BABAM2: variants seen among roughly 807,000 people sequenced by gnomAD.
The protein encoded by BABAM2 is BRISC and BRCA1 A complex member 2.
A neutral mutation model predicts 54.7 loss-of-function variants in BABAM2; 31 were observed. The observed-to-expected ratio is 0.57, with a 90% CI of 0.43 to 0.77. The LOEUF (loss-of-function observed/expected upper bound fraction) is 0.77, where lower values mean the gene tolerates loss of function less well. Ranked by LOEUF, BABAM2 falls within the 30% of genes least tolerant of loss-of-function variation. The probability of loss-of-function intolerance (pLI) is 0.00; values close to 1 mark genes in which losing one functional copy is unlikely to be tolerated. For missense variants in BABAM2, 364 were observed against 455.8 expected (o/e 0.80, Z 1.83); for synonymous variants, 167 against 162.9 (o/e 1.03, Z -0.19).
rs994246564 is a variant in BABAM2 at position 28,025,089 on chromosome 2, T to C, written c.301-137T>C. 4.4e-6 allele frequency: 3 copies of C among 682,538 alleles called. No homozygotes were observed. In the African/African-American group the frequency reaches 5.5e-5, roughly 13 times the overall value. The allele number at this position is 682,538 out of a possible 1,614,324, so 42.3% of individuals were successfully genotyped here. A position where few individuals can be genotyped will look rare whatever the true frequency, so the allele number is the denominator to read the frequency against. On this transcript the variant is annotated intron_variant, in intron 4 of 11. Transcript: ENST00000379624. ...AGATTTCTCTAACTTCATCTCTGGGTATATGGCTAAGGAGGAGTAGTCTGT... is the reference window on the plus strand; with the variant it reads ...AGATTTCTCTAACTTCATCTCTGGGCATATGGCTAAGGAGGAGTAGTCTGT...
At chr2:28,211,409 AAG>A (rs368518130) in intron 7 of BABAM2, among the ~76,000 whole-genome samples, 580 of 13,838 alleles carry the variant, frequency 0.042, 8 homozygotes, top group African/African-American at 0.055. Flanking sequence ...TTTTTTGAGA[AAG>A]AGTTTCGCTC....
chr2:27,894,544 A>C lies in BABAM2; in HGVS notation c.-13A>C, dbSNP rs202093947. 2.9e-5 allele frequency: 46 copies of C among 1,613,648 alleles called. No individual in the cohort carries two copies. The highest frequency in any genetic ancestry group is 3.9e-5 in the Non-Finnish European group (46 of 1,179,672). On this transcript the variant is annotated 5_prime_UTR_variant, in exon 2 of 12. Coordinates refer to ENST00000379624, the MANE Select transcript of BABAM2 (RefSeq NM_199191.3). ...CCTTCTGCTTTCAGTGGTGATTTAC[A>C]AGTCAAGTTAAAATGTCCCCAGAAG... is the stretch of plus-strand genomic sequence containing the variant.
At chr2:27,890,030 C>T (rs1401643449), upstream of BABAM2, 5 of 482,812 alleles carry the variant, frequency 1.0e-5, no homozygotes, top group African/African-American at 3.9e-5. This position sits in a 1 kb window ranked among gnomAD's most constrained non-coding sequence, Gnocchi z 4.8. Context: ...TTAGAGCTTT[C>T]ACTAAACCCT....
At chr2:27,916,172 A>G (rs1186659300) in intron 2 of BABAM2, among the ~76,000 whole-genome samples, 1 of 152,212 alleles carries the variant, frequency 6.6e-6, no homozygotes, top group Non-Finnish European at 1.5e-5. Context: ...AGGAATGTCT[A>G]TGGGATTTAG....
chr2:28,196,836 C>CTTTTT (rs759950166), intron 7 of BABAM2, among the ~76,000 whole-genome samples: 5,930 of 40,200 alleles, frequency 0.15, 2,087 homozygotes, highest in East Asian at 0.39. Flanking sequence ...GAGACCCTGT[C>CTTTTT]TTTTTTTTTT....
intron 7 of BABAM2, among the ~76,000 whole-genome samples, chr2:28,188,917 C>G (rs1676604018): frequency 6.6e-6 from 1 of 152,220 alleles, no homozygotes; most frequent in African/African-American, 2.4e-5. Context: ...AAGGATTTCT[C>G]TGCCTGGGCA....
intron 11 of BABAM2, chr2:28,310,361 G>A (rs1688965562): frequency 1.2e-5 from 6 of 515,844 alleles, no homozygotes; most frequent in African/African-American, 5.7e-5. Context: ...CCTGGGGGAG[G>A]GGCAGCAGGT....
chr2:27,953,543 C>T (rs931466169), intron 3 of BABAM2, among the ~76,000 whole-genome samples: 44 of 151,920 alleles, frequency 2.9e-4, no homozygotes, highest in Middle Eastern at 6.8e-3. Flanking sequence ...CCTCCCTCCT[C>T]GGCTTCCCAA....
intron 3 of BABAM2, among the ~76,000 whole-genome samples, chr2:27,972,422 C>T (rs927240141): frequency 6.6e-6 from 1 of 152,178 alleles, no homozygotes; most frequent in African/African-American, 2.4e-5. Context: ...GCAGGGAGGA[C>T]ATTTTACATG....
intron 3 of BABAM2, among the ~76,000 whole-genome samples, chr2:27,948,362 T>C (rs1669454277): frequency 6.6e-6 from 1 of 151,920 alleles, no homozygotes; most frequent in Admixed American, 6.6e-5. Flanking sequence ...ATTTCCTACA[T>C]AGAAAATTAT....
At chr2:28,230,894 T>A (rs1371883328) in intron 7 of BABAM2, among the ~76,000 whole-genome samples, 2 of 152,212 alleles carry the variant, frequency 1.3e-5, no homozygotes, top group Non-Finnish European at 2.9e-5. Context: ...GACAAGGTGA[T>A]TAATTTTATG....
intron 3 of BABAM2, among the ~76,000 whole-genome samples, chr2:27,969,860 G>A (rs1306002943): frequency 1.3e-5 from 2 of 152,148 alleles, no homozygotes; most frequent in Admixed American, 1.3e-4. Flanking sequence ...ACAGCAAAGA[G>A]TTATCCATCC....
chr2:28,179,385 A>G (rs1171132383), intron 7 of BABAM2, among the ~76,000 whole-genome samples: 1 of 152,196 alleles, frequency 6.6e-6, no homozygotes, highest in African/African-American at 2.4e-5. Flanking sequence ...CAGTAGCCAT[A>G]TCATTCTCTA....
At chr2:28,183,450 A>T (rs1675859841) in intron 7 of BABAM2, among the ~76,000 whole-genome samples, 1 of 152,148 alleles carries the variant, frequency 6.6e-6, no homozygotes, top group African/African-American at 2.4e-5. Context: ...CCAAAAAAAA[A>T]TTTACAAAAC....
intron 10 of BABAM2, among the ~76,000 whole-genome samples, chr2:28,250,801 G>A (rs185370744): frequency 2.9e-4 from 44 of 152,016 alleles, no homozygotes; most frequent in Non-Finnish European, 5.4e-4. Flanking sequence ...GGGTTTTGCC[G>A]TGTTAGCCAG....
At chr2:28,188,134 A>G (rs1558419180) in intron 7 of BABAM2, among the ~76,000 whole-genome samples, 1 of 152,184 alleles carries the variant, frequency 6.6e-6, no homozygotes, top group Non-Finnish European at 1.5e-5. Context: ...GTGCCACTGC[A>G]TGATCCATAC....
intron 10 of BABAM2, among the ~76,000 whole-genome samples, chr2:28,288,855 T>A (rs1572350485): frequency 6.6e-6 from 1 of 152,146 alleles, no homozygotes; most frequent in Non-Finnish European, 1.5e-5. Flanking sequence ...CTTAGCATGC[T>A]CAACTGAAGT....
At chr2:28,031,714 A>AG in intron 5 of BABAM2, among the ~76,000 whole-genome samples, 3 of 152,344 alleles carry the variant, frequency 2.0e-5, no homozygotes, top group East Asian at 3.9e-4. Context: ...AGCATTCAGC[A>AG]GAAGAGACAA....
At chr2:28,292,667 GATC>G (rs1391596474) in intron 10 of BABAM2, among the ~76,000 whole-genome samples, 3 of 152,160 alleles carry the variant, frequency 2.0e-5, no homozygotes, top group African/African-American at 7.2e-5. Context: ...GACCTCACAT[GATC>G]AGCTCTAAGG....
Sources: allele counts gnomAD v4.1 joint callset (sites outside exome capture counted in the v4.1 genomes callset), GRCh38; gene constraint gnomAD v4.1.1; non-coding constraint Gnocchi (gnomAD v3.1); transcripts MANE v1.5; gene names NCBI Gene and HGNC (gene_info 2026-07-23, HGNC 2026-07-21).